Variants in PCDHGC4 observed in about 807,000 individuals in gnomAD.
PCDHGC4 encodes protocadherin gamma subfamily C, 4.
PCDHGC4 carries 15 observed loss-of-function variants against 59.7 expected under a neutral mutation model. The observed-to-expected ratio is 0.25, with a 90% CI of 0.17 to 0.39. The LOEUF is 0.39. PCDHGC4 is among the 10% of genes least tolerant of loss of function. PCDHGC4 has a pLI of 1.00. For synonymous variants in PCDHGC4, 434 were observed against 481.4 expected, an observed-to-expected ratio of 0.90 and a Z score of 1.29; for missense variants, 1,016 against 1,189.5, an observed-to-expected ratio of 0.85 and a Z score of 2.15.
chr5:141,489,894 G>T lies in PCDHGC4; in HGVS notation c.2442+2279G>T. 1.2e-6 allele frequency: 2 copies of T among 1,614,204 alleles called. No homozygotes were observed. Among genetic ancestry groups the T allele is most frequent in the Non-Finnish European group, 1.7e-6 (2 of 1,180,028 alleles). The stretch of plus-strand genomic sequence containing the variant: ...TGGTGCTTACTGCTGTGGATGGGGG[G>T]ACCCCAGCCCGCTCAGGGACCACCC... On this transcript the variant is annotated intron_variant, in intron 1 of 3. Transcript: ENST00000306593. The surrounding 1 kb of genome is among the most constrained non-coding windows in gnomAD (Gnocchi z 4.5).
intron 2 of PCDHGC4, among the ~76,000 whole-genome samples, chr5:141,503,222 G>A (rs540244346): frequency 2.2e-4 from 34 of 152,120 alleles, no homozygotes; most frequent in African/African-American, 7.7e-4. Context: ...CATGAGCACC[G>A]TAAAGATGGA....
At chr5:141,494,889 A>G (rs2099757275) in intron 2 of PCDHGC4, 24 bp downstream of exon 2, 1 of 1,613,844 alleles carries the variant, frequency 6.2e-7, no homozygotes, top group Admixed American at 1.7e-5. Context: ...TCTCCAGCCC[A>G]CCCTCTTCTC....
At position 141,493,356 on chromosome 5, in the gene PCDHGC4, C is replaced by A. The variant is rs1303319550; in HGVS notation, c.2443-1451C>A. Among the ~76,000 whole-genome samples, 1 of 152,182 alleles carries A rather than the reference C, an allele frequency of 6.6e-6. No individual in the cohort carries two copies. The highest frequency in any genetic ancestry group is 2.4e-5 in the African/African-American group (1 of 41,438). On this transcript the variant is annotated intron_variant, in intron 1 of 3. Transcript: ENST00000306593. This position sits in a 1 kb window ranked among gnomAD's most constrained non-coding sequence, Gnocchi z 4.3. ...ACTCCAGAATGTGTGCTTTTAATTT[C>A]TTGGCACTTGGAACTTTAAAAGCTT...
chr5:141,486,828 G>A lies in PCDHGC4; in HGVS notation c.1655G>A (p.Arg552His), dbSNP rs140257646. 77 of 1,614,218 alleles carry A rather than the reference G, an allele frequency of 4.8e-5. 1 individual carries two copies. In the East Asian group the frequency reaches 1.2e-3, roughly 26 times the overall value. The change falls in exon 1 of 4, where the codon CGT becomes CAT. Residue 552 changes from arginine (R) to histidine (H), a missense_variant. Arg to His is a conservative substitution (Grantham distance 29, BLOSUM62 0). Transcript: ENST00000306593. This position sits in a 1 kb window ranked among gnomAD's most constrained non-coding sequence, Gnocchi z 5.0. ...NPPLSSTVTV[R>H]LFVLDLNDNA... ...CCCCTTAGCAGCACTGTAACAGTTCGTCTATTTGTGCTGGACCTCAATGAC... is the reference window on the plus strand; with the variant it reads ...CCCCTTAGCAGCACTGTAACAGTTCATCTATTTGTGCTGGACCTCAATGAC...
rs766168062 is a variant in PCDHGC4, at chr5:141,491,124, G to A, written c.2442+3509G>A. ...TCGTGTCTACACACACTGGTGAGGT[G>A]CGCACAGCCCGGGCCTTACTGGAGG... On this transcript the variant is annotated intron_variant, in intron 1 of 3. Transcript: ENST00000306593. The surrounding 1 kb of genome is among the most constrained non-coding windows in gnomAD (Gnocchi z 6.9). 22 of 1,614,092 alleles carry A rather than the reference G, an allele frequency of 1.4e-5. No individual in the cohort carries two copies. The highest frequency in any genetic ancestry group is 3.3e-5 in the Admixed American group (2 of 60,004).
chr5:141,489,397 G>T lies in PCDHGC4; in HGVS notation c.2442+1782G>T. ...GGTGGGGAATGTTGCTCAGGATCTG[G>T]GCTTAAAGATGACAGATCTGTTGAG... On this transcript the variant is annotated intron_variant, in intron 1 of 3. Coordinates refer to ENST00000306593, the MANE Select transcript of PCDHGC4 (RefSeq NM_018928.3). The surrounding 1 kb of genome is among the most constrained non-coding windows in gnomAD (Gnocchi z 4.5). 2 of 1,614,176 alleles carry T rather than the reference G, an allele frequency of 1.2e-6. No individual in the cohort carries two copies. Among genetic ancestry groups the T allele is most frequent in the Non-Finnish European group, 1.7e-6 (2 of 1,180,038 alleles).
chr5:141,492,359 C>A (rs1292383129), intron 1 of PCDHGC4, among the ~76,000 whole-genome samples: 3 of 152,336 alleles, frequency 2.0e-5, no homozygotes, highest in African/African-American at 7.2e-5. Flanking sequence ...GCCACTCGCT[C>A]GCGGCCAGAT....
chr5:141,485,380 G>A lies in PCDHGC4; in HGVS notation c.207G>A (p.Glu69=). The A allele has an allele frequency of 1.9e-6, 3 of 1,614,146 alleles. No individual in the cohort carries two copies. The highest frequency in any genetic ancestry group is 2.5e-6 in the Non-Finnish European group (3 of 1,180,032). The change falls in exon 1 of 4, where the codon GAG becomes GAA. Residue 69 remains glutamate, a synonymous_variant. Coordinates refer to ENST00000306593, the MANE Select transcript of PCDHGC4 (RefSeq NM_018928.3). This position sits in a 1 kb window ranked among gnomAD's most constrained non-coding sequence, Gnocchi z 5.7. ...CTCGCAGGCTGCAGGTCGCTGGAGA[G>A]GTGAACCAAAGACACTTCCGTGTGG... is the stretch of plus-strand genomic sequence containing the variant. ...LSARRLQVAG[E]VNQRHFRVDL...
intron 1 of PCDHGC4, among the ~76,000 whole-genome samples, chr5:141,488,635 C>T (rs1476156734): frequency 6.6e-6 from 1 of 152,152 alleles, no homozygotes; most frequent in Non-Finnish European, 1.5e-5. Flanking sequence ...ACCTTAGCAG[C>T]ATTCAGCAGG....
At position 141,485,184 on chromosome 5, in the gene PCDHGC4, A is replaced by G. The variant is rs1415940980; in HGVS notation, c.11A>G (p.Lys4Arg). MLR[K>R]VRSWTEIWRW... ...TAGCGGGCGGCAGCAATGCTCCGCA[A>G]GGTGAGAAGCTGGACAGAAATCTGG... Residue 4 changes from lysine (K) to arginine (R), a missense_variant, in exon 1 of 4, where the codon AAG becomes AGG. Lys to Arg is a conservative substitution (Grantham distance 26, BLOSUM62 2). Transcript: ENST00000306593. This position sits in a 1 kb window ranked among gnomAD's most constrained non-coding sequence, Gnocchi z 5.7. The G allele has an allele frequency of 6.2e-7, 1 of 1,613,152 alleles. No individual in the cohort carries two copies. The highest frequency in any genetic ancestry group is 1.3e-5 in the African/African-American group (1 of 74,938).
intron 3 of PCDHGC4, among the ~76,000 whole-genome samples, chr5:141,505,729 G>A (rs1026403192): frequency 7.9e-5 from 12 of 152,286 alleles, no homozygotes; most frequent in African/African-American, 2.9e-4. Flanking sequence ...AGGGAATAGT[G>A]GTTACAAGTC....
intron 2 of PCDHGC4, among the ~76,000 whole-genome samples, chr5:141,496,492 C>A (rs2099769172): frequency 6.6e-6 from 1 of 152,186 alleles, no homozygotes; most frequent in Non-Finnish European, 1.5e-5. Context: ...CCAACCAAAC[C>A]CTTGTTGCCA....
intron 2 of PCDHGC4, among the ~76,000 whole-genome samples, chr5:141,504,999 T>C (rs1278633184): frequency 6.6e-6 from 1 of 152,000 alleles, no homozygotes; most frequent in African/African-American, 2.4e-5. Context: ...CCGTCTGTAC[T>C]AAAAATACAA....
In PCDHGC4 at chr5:141,491,049, G is replaced by A. The variant is rs369146505; in HGVS notation, c.2442+3434G>A. Reference sequence around the variant, plus strand: ...TGGATGCTGATGCAGGCCACAATGCGTGGCTCTCCTACTCACTGTTGCCAC... The same window carrying A: ...TGGATGCTGATGCAGGCCACAATGCATGGCTCTCCTACTCACTGTTGCCAC... On this transcript the variant is annotated intron_variant, in intron 1 of 3. Coordinates refer to ENST00000306593, the MANE Select transcript of PCDHGC4 (RefSeq NM_018928.3). This position sits in a 1 kb window ranked among gnomAD's most constrained non-coding sequence, Gnocchi z 6.9. The A allele has an allele frequency of 3.3e-5, 53 of 1,614,116 alleles. No individual in the cohort carries two copies. The African/African-American group carries it at 5.5e-4, about 17-fold the overall frequency.
intron 2 of PCDHGC4, among the ~76,000 whole-genome samples, chr5:141,502,500 G>A (rs1398797155): frequency 6.6e-6 from 1 of 152,046 alleles, no homozygotes; most frequent in Non-Finnish European, 1.5e-5. Context: ...ATCTAACGTC[G>A]GCCTGTCCCA....
At chr5:141,492,244 C>T (rs1334647731) in intron 1 of PCDHGC4, among the ~76,000 whole-genome samples, 1 of 152,198 alleles carries the variant, frequency 6.6e-6, no homozygotes, top group Admixed American at 6.5e-5. Flanking sequence ...TGGCCACCCC[C>T]ACGGCCCACA....
chr5:141,502,331 G>C lies in PCDHGC4; in HGVS notation c.2502-3062G>C, dbSNP rs555959890. ...TCCTTTAATCTGGAGCCAGCTCCCA[G>C]TCTTTTTATTTTTTTAATGACATGG... On this transcript the variant is annotated intron_variant, in intron 2 of 3. Transcript: ENST00000306593. Among the ~76,000 whole-genome samples, 42 of 152,102 alleles carry C rather than the reference G, an allele frequency of 2.8e-4. No individual in the cohort carries two copies. The South Asian group carries it at 6.2e-3, about 23-fold the overall frequency.
chr5:141,495,041 G>A, intron 2 of PCDHGC4, 176 bp downstream of exon 2: 1 of 942,350 alleles, frequency 1.1e-6, no homozygotes, highest in Non-Finnish European at 1.3e-6. Flanking sequence ...AGGAAGAGGC[G>A]ACTGCCCTGA....
intron 2 of PCDHGC4, among the ~76,000 whole-genome samples, chr5:141,497,016 C>G (rs1384415729): frequency 6.6e-6 from 1 of 152,056 alleles, no homozygotes; most frequent in East Asian, 1.9e-4. Context: ...TGGTGAAACC[C>G]CATCTCGATT....
Sources: gnomAD v4.1 joint callset for allele counts (sites outside exome capture counted in the v4.1 genomes callset) on GRCh38, gnomAD v4.1.1 for gene constraint, Gnocchi (gnomAD v3.1) non-coding constraint, MANE v1.5 for transcripts, NCBI Gene and HGNC (gene_info 2026-07-23, HGNC 2026-07-21) for gene names.